The following SOBP variants were observed in gnomAD, a reference collection of about 807,000 sequenced individuals.
The protein encoded by SOBP is sine oculis binding protein homolog.
Under a neutral mutation model 53.6 loss-of-function variants are expected in SOBP, and 4 were observed. The ratio of observed to expected loss-of-function variants is 0.07; its 90% CI spans 0.04 to 0.17. SOBP has a LOEUF of 0.17. Ranked by LOEUF, SOBP falls within the 10% of genes least tolerant of loss-of-function variation. The pLI is 1.00. For missense variants in SOBP, 1,088 were observed against 1,204.7 expected (o/e 0.90, Z 1.43); for synonymous variants, 584 against 522.6 (o/e 1.12, Z -1.60).
chr6:107,619,371 G>T lies in SOBP; in HGVS notation c.670-14143G>T, dbSNP rs192018542. ...TTGAAAAGCTGGGGAAACTCTGGAT[G>T]AATGAAGTTTAAGTATGTTTCTTTT... On this transcript the variant is annotated intron_variant, in intron 5 of 6. Coordinates refer to ENST00000317357, the MANE Select transcript of SOBP (RefSeq NM_018013.4). 1.7e-3 allele frequency among the ~76,000 whole-genome samples: 255 copies of T among 152,314 alleles called. 1 individual carries two copies. Among genetic ancestry groups the T allele is most frequent in the African/African-American group, 5.6e-3 (234 of 41,552 alleles).
intron 4 of SOBP, among the ~76,000 whole-genome samples, chr6:107,572,304 C>CTTT (rs5878919): frequency 0.057 from 8,027 of 140,506 alleles, 254 homozygotes; most frequent in Middle Eastern, 0.099. Flanking sequence ...AATTTGCACA[C>CTTT]TTTTTTTTTT....
At chr6:107,497,566 A>C (rs1326970448) in intron 1 of SOBP, among the ~76,000 whole-genome samples, 1 of 152,058 alleles carries the variant, frequency 6.6e-6, no homozygotes, top group Admixed American at 6.5e-5. Context: ...CAACATTTTG[A>C]TATATGTCTT....
intron 4 of SOBP, among the ~76,000 whole-genome samples, chr6:107,556,036 T>C (rs2115018328): frequency 6.6e-6 from 1 of 152,330 alleles, no homozygotes; most frequent in Non-Finnish European, 1.5e-5. Flanking sequence ...TTGAAGACTT[T>C]TAGAGATTTT....
chr6:107,521,945 CACACACACACACACAAACTCAA>C (rs1666410073), intron 3 of SOBP, among the ~76,000 whole-genome samples: 2 of 149,626 alleles, frequency 1.3e-5, no homozygotes, highest in Non-Finnish European at 3.0e-5. Flanking sequence ...CACACACACA[CACACACACACACACAAACTCAA>C]TCAAGTCTGA....
At chr6:107,497,891 T>G (rs1047564774) in intron 1 of SOBP, among the ~76,000 whole-genome samples, 2 of 152,208 alleles carry the variant, frequency 1.3e-5, no homozygotes, top group Non-Finnish European at 2.9e-5. Context: ...TCAAAGGGTA[T>G]GTACAATTTT....
chr6:107,495,785 TTTATATC>T (rs1782684641), intron 1 of SOBP, among the ~76,000 whole-genome samples: 2 of 152,328 alleles, frequency 1.3e-5, no homozygotes, highest in South Asian at 4.1e-4. Flanking sequence ...AACCAAACTT[TTTATATC>T]TTATATAAAA....
At chr6:107,537,255 A>G (rs1050789687) in intron 4 of SOBP, among the ~76,000 whole-genome samples, 8 of 152,274 alleles carry the variant, frequency 5.3e-5, no homozygotes, top group African/African-American at 1.4e-4. Flanking sequence ...AAACAAGACC[A>G]CAAATGTTAG....
chr6:107,550,093 TC>T (rs1384112878), intron 4 of SOBP, among the ~76,000 whole-genome samples: 1 of 151,822 alleles, frequency 6.6e-6, no homozygotes, highest in Non-Finnish European at 1.5e-5. Context: ...GCTGAAATAA[TC>T]CTTTCTGTCA....
chr6:107,505,095 A>G (rs139339734), intron 2 of SOBP, among the ~76,000 whole-genome samples: 1 of 152,116 alleles, frequency 6.6e-6, no homozygotes, highest in African/African-American at 2.4e-5. Flanking sequence ...TATTTTTGTT[A>G]TTTTTTAATG....
chr6:107,630,255 C>T (rs1207131328), intron 5 of SOBP, among the ~76,000 whole-genome samples: 1 of 152,040 alleles, frequency 6.6e-6, no homozygotes, highest in Non-Finnish European at 1.5e-5. Flanking sequence ...AATAATTCCT[C>T]AGAAAGTTAA....
intron 4 of SOBP, among the ~76,000 whole-genome samples, chr6:107,538,588 C>T: frequency 6.6e-6 from 1 of 152,150 alleles, no homozygotes; most frequent in East Asian, 1.9e-4. Flanking sequence ...TGCACCCTGG[C>T]CTGCAGGATG....
intron 3 of SOBP, among the ~76,000 whole-genome samples, chr6:107,523,191 T>G (rs1204530878): frequency 6.6e-6 from 1 of 151,986 alleles, no homozygotes; most frequent in African/African-American, 2.4e-5. Context: ...GAGAGAAGAG[T>G]GCTCTGAAGG....
At chr6:107,565,276 GTC>G (rs1176295197) in intron 4 of SOBP, among the ~76,000 whole-genome samples, 1 of 152,174 alleles carries the variant, frequency 6.6e-6, no homozygotes, top group Non-Finnish European at 1.5e-5. Flanking sequence ...GGGTTCCAGA[GTC>G]TCTGCTGAGT....
At chr6:107,616,090 G>T (rs1187846998) in intron 5 of SOBP, among the ~76,000 whole-genome samples, 2 of 128,398 alleles carry the variant, frequency 1.6e-5, no homozygotes, top group Non-Finnish European at 3.3e-5. Context: ...GGGGTGGGGG[G>T]GGGGCGGGGG....
Position 107,634,733 on chromosome 6 carries a change from C to A in SOBP, c.1889C>A (p.Pro630His). The change falls in exon 6 of 7, where the codon CCC becomes CAC. Residue 630 changes from proline (P) to histidine (H), a missense_variant. Physicochemically the swap from Pro to His is moderately conservative, Grantham distance 77. This residue lies in a region of SOBP where 665 missense variants were observed against 629.7 expected (regional missense o/e 1.06). Coordinates refer to ENST00000317357, the MANE Select transcript of SOBP (RefSeq NM_018013.4). This position sits in a 1 kb window ranked among gnomAD's most constrained non-coding sequence, Gnocchi z 4.5. ...VVDLTRRAGSPPGPPGAGGQL... is the reference protein window; with the variant it reads ...VVDLTRRAGSHPGPPGAGGQL... ...GACCTGACGCGGCGCGCCGGCAGCCCCCCGGGCCCCCCGGGCGCGGGCGGC... is the reference window on the plus strand; with the variant it reads ...GACCTGACGCGGCGCGCCGGCAGCCACCCGGGCCCCCCGGGCGCGGGCGGC... 2 of 1,336,742 alleles carry A rather than the reference C, an allele frequency of 1.5e-6. No homozygotes were observed. Among genetic ancestry groups the A allele is most frequent in the Non-Finnish European group, 1.9e-6 (2 of 1,052,310 alleles). The allele number at this position is 1,336,742 out of a possible 1,614,324, so 82.8% of individuals were successfully genotyped here.
intron 4 of SOBP, among the ~76,000 whole-genome samples, chr6:107,573,844 C>T (rs1046215908): frequency 1.3e-5 from 2 of 152,174 alleles, no homozygotes; most frequent in Admixed American, 1.3e-4. Flanking sequence ...ATCTTTGACA[C>T]TCCAGATTGT....
intron 6 of SOBP, among the ~76,000 whole-genome samples, chr6:107,648,354 G>A (rs1255418098): frequency 6.6e-6 from 1 of 152,026 alleles, no homozygotes; most frequent in Non-Finnish European, 1.5e-5. Context: ...CCTTGAATGA[G>A]TCTCTAAATT....
chr6:107,630,465 T>C (rs1770658291), intron 5 of SOBP, among the ~76,000 whole-genome samples: 3 of 152,240 alleles, frequency 2.0e-5, no homozygotes, highest in Admixed American at 2.0e-4. Context: ...GCTCTTATGA[T>C]GAAATCTTTA....
At chr6:107,616,307 A>T (rs568783828) in intron 5 of SOBP, among the ~76,000 whole-genome samples, 13 of 152,224 alleles carry the variant, frequency 8.5e-5, no homozygotes, top group Non-Finnish European at 1.6e-4. Context: ...TGATGGCACC[A>T]TGCATTGCCT....
Sources: allele counts gnomAD v4.1 joint callset (sites outside exome capture counted in the v4.1 genomes callset), GRCh38; gene constraint gnomAD v4.1.1; regional missense constraint gnomAD v4.1.1; non-coding constraint Gnocchi (gnomAD v3.1); transcripts MANE v1.5; gene names NCBI Gene and HGNC (gene_info 2026-07-23, HGNC 2026-07-21).